The following SNTG1 variants were observed in gnomAD, a reference collection of about 807,000 sequenced individuals.
SNTG1 encodes the protein gamma-1-syntrophin.
SNTG1 carries 39 observed loss-of-function variants against 74.7 expected under a neutral mutation model. That is an observed-to-expected ratio of 0.52 (90% CI 0.40 to 0.68). The LOEUF (loss-of-function observed/expected upper bound fraction) is 0.68, where lower values mean the gene tolerates loss of function less well. Among genes scored for constraint, SNTG1 ranks in the 30% least tolerant of loss-of-function variants. The pLI is 0.00. For missense variants in SNTG1, 685 were observed against 609.5 expected (o/e 1.12, Z -1.30); for synonymous variants, 254 against 217.1 (o/e 1.17, Z -1.49).
At chr8:50,640,106 T>G (rs1585925179) in intron 13 of SNTG1, among the ~76,000 whole-genome samples, 1 of 152,186 alleles carries the variant, frequency 6.6e-6, no homozygotes, top group Non-Finnish European at 1.5e-5. Context: ...ATACTATGGA[T>G]CAATTAATTT....
chr8:50,438,443 C>A, intron 4 of SNTG1, 100 bp from the exon 5 acceptor site: 4 of 931,082 alleles, frequency 4.3e-6, no homozygotes, highest in Non-Finnish European at 5.0e-6. Context: ...TTTTAAAGAG[C>A]AAAAGCAAAA....
intron 1 of SNTG1, among the ~76,000 whole-genome samples, chr8:50,135,238 C>T (rs796765700): frequency 2.0e-5 from 3 of 152,164 alleles, no homozygotes; most frequent in Non-Finnish European, 2.9e-5. Flanking sequence ...GAATGAAGTT[C>T]GGCTTTGTTT....
intron 2 of SNTG1, among the ~76,000 whole-genome samples, chr8:50,251,423 A>G (rs1350222181): frequency 6.6e-6 from 1 of 151,998 alleles, no homozygotes; most frequent in African/African-American, 2.4e-5. Context: ...TTTCCAATTT[A>G]GGTTTAGAGT....
intron 2 of SNTG1, among the ~76,000 whole-genome samples, chr8:50,312,146 G>A (rs1374509650): frequency 1.3e-5 from 2 of 152,150 alleles, no homozygotes; most frequent in Admixed American, 6.5e-5. Context: ...TGTGGGTTCA[G>A]TGTTCCTATT....
intron 1 of SNTG1, among the ~76,000 whole-genome samples, chr8:50,113,501 T>C (rs963564900): frequency 6.6e-6 from 1 of 152,146 alleles, no homozygotes; most frequent in Non-Finnish European, 1.5e-5. Flanking sequence ...GATGGGGTTT[T>C]CTAGATATAC....
At chr8:50,536,878 C>T (rs1435905944) in intron 11 of SNTG1, 70 bp downstream of exon 11, 40 of 1,568,868 alleles carry the variant, frequency 2.5e-5, no homozygotes, top group Non-Finnish European at 3.5e-5. Flanking sequence ...AACCTTTTGA[C>T]ATATCACAAT....
At chr8:50,536,302 T>C (rs2094306779) in intron 10 of SNTG1, among the ~76,000 whole-genome samples, 1 of 152,172 alleles carries the variant, frequency 6.6e-6, no homozygotes, top group Non-Finnish European at 1.5e-5. Flanking sequence ...TTGAATGAAC[T>C]ACAGCTGATT....
At chr8:49,943,008 C>T (rs1420374319) in intron 1 of SNTG1, among the ~76,000 whole-genome samples, 1 of 152,200 alleles carries the variant, frequency 6.6e-6, no homozygotes, top group Non-Finnish European at 1.5e-5. Context: ...GATTTGCCTC[C>T]TCTCCACCAT....
At chr8:50,272,869 T>G (rs1222991152) in intron 2 of SNTG1, among the ~76,000 whole-genome samples, 1 of 150,378 alleles carries the variant, frequency 6.6e-6, no homozygotes, top group African/African-American at 2.5e-5. Context: ...CCTAAGTAGC[T>G]GTGACTGCAG....
chr8:50,688,695 C>T (rs1050386421), intron 15 of SNTG1, among the ~76,000 whole-genome samples: 2 of 152,136 alleles, frequency 1.3e-5, no homozygotes, highest in Admixed American at 1.3e-4. Flanking sequence ...TAGCGTGATG[C>T]CTCCAGCTTT....
chr8:50,459,602 T>C (rs919098909), intron 8 of SNTG1, among the ~76,000 whole-genome samples: 9 of 152,124 alleles, frequency 5.9e-5, no homozygotes, highest in Non-Finnish European at 1.2e-4. Context: ...TGCTGAGGTT[T>C]TGGGTATGAA....
chr8:50,654,471 G>A (rs1395863067), intron 13 of SNTG1, among the ~76,000 whole-genome samples: 2 of 151,978 alleles, frequency 1.3e-5, no homozygotes, highest in Non-Finnish European at 2.9e-5. Context: ...TTTCAATTTT[G>A]TATCTTATAT....
At chr8:50,024,961 C>T (rs1385311) in intron 1 of SNTG1, among the ~76,000 whole-genome samples, 136,114 of 152,114 alleles carry the variant, frequency 0.89, 61,195 homozygotes, top group East Asian at 1. Flanking sequence ...TTCTACAAGT[C>T]GTTTATTTCT....
intron 2 of SNTG1, among the ~76,000 whole-genome samples, chr8:50,342,162 T>A (rs910697462): frequency 6.6e-6 from 1 of 152,082 alleles, no homozygotes; most frequent in Non-Finnish European, 1.5e-5. Context: ...AAAGGCAATT[T>A]TTTTCCTTCT....
chr8:50,472,803 AG>A (rs1411495101), intron 8 of SNTG1, among the ~76,000 whole-genome samples: 1 of 152,122 alleles, frequency 6.6e-6, no homozygotes, highest in Non-Finnish European at 1.5e-5. Flanking sequence ...GAATATATAA[AG>A]AACTACATTT....
intron 13 of SNTG1, among the ~76,000 whole-genome samples, chr8:50,627,925 A>T (rs2094967740): frequency 6.6e-6 from 1 of 152,084 alleles, no homozygotes; most frequent in African/African-American, 2.4e-5. Context: ...GATTGATTAC[A>T]TTATTGGCCA....
At chr8:50,582,995 A>T (rs549955805) in intron 12 of SNTG1, among the ~76,000 whole-genome samples, 31 of 152,256 alleles carry the variant, frequency 2.0e-4, no homozygotes, top group African/African-American at 5.1e-4. Context: ...ACTGATATTT[A>T]AAAAAATTGA....
intron 1 of SNTG1, among the ~76,000 whole-genome samples, chr8:50,112,422 T>C (rs1160578868): frequency 6.6e-6 from 1 of 151,188 alleles, no homozygotes; most frequent in African/African-American, 2.4e-5. Flanking sequence ...GATCTAAGAA[T>C]GCAGGTGTAA....
chr8:50,061,408 AT>A (rs982663925), intron 1 of SNTG1, among the ~76,000 whole-genome samples: 2 of 151,984 alleles, frequency 1.3e-5, no homozygotes, highest in Admixed American at 1.3e-4. Context: ...GTGTCTTCTA[AT>A]TTTTTTGTCA....
Sources: allele counts gnomAD v4.1 joint callset (sites outside exome capture counted in the v4.1 genomes callset), GRCh38; gene constraint gnomAD v4.1.1; transcripts MANE v1.5; gene names NCBI Gene and HGNC (gene_info 2026-07-23, HGNC 2026-07-21).